Variants in XPO5 observed in about 807,000 individuals in gnomAD.
XPO5 encodes the protein exportin 5.
A neutral mutation model predicts 160.6 loss-of-function variants in XPO5; 46 were observed. The ratio of observed to expected loss-of-function variants is 0.29; its 90% CI spans 0.23 to 0.37. The LOEUF (loss-of-function observed/expected upper bound fraction) is 0.37. Among genes scored for constraint, XPO5 ranks in the 10% least tolerant of loss-of-function variants. XPO5 has a pLI of 1.00. For synonymous variants in XPO5, 537 were observed against 519.3 expected (o/e 1.03, Z -0.46); for missense variants, 1,090 against 1,463.9 (o/e 0.74, Z 4.17).
At position 43,557,186 on chromosome 6, in the gene XPO5, G is replaced by T. The variant is rs185101723; in HGVS notation, c.1313-1222C>A. ...TTACGCCTGTAATCCTAGTACTTTG[G>T]GAAGCCGAGGCGGGTGGATCACGAG... On this transcript the variant is annotated intron_variant, in intron 12 of 31. Coordinates refer to ENST00000265351, the MANE Select transcript of XPO5 (RefSeq NM_020750.3). Among the ~76,000 whole-genome samples the T allele has an allele frequency of 3.3e-5, 5 of 149,438 alleles. No homozygotes were observed. In the Admixed American group the frequency reaches 3.4e-4, roughly 10 times the overall value.
At chr6:43,536,541 G>A (rs1219516284) in intron 20 of XPO5, among the ~76,000 whole-genome samples, 7 of 151,276 alleles carry the variant, frequency 4.6e-5, no homozygotes, top group Admixed American at 4.6e-4. Flanking sequence ...GGTGGATCAC[G>A]AGGTCAGGAG....
chr6:43,533,847 AAAG>A, intron 21 of XPO5, 57 bp downstream of exon 21: 1 of 1,313,966 alleles, frequency 7.6e-7, no homozygotes, highest in Non-Finnish European at 1.1e-6. Flanking sequence ...AACAACAAAA[AAAG>A]GGGACATCCA....
At chr6:43,524,665 T>G (rs1793435263) in intron 30 of XPO5, 30 bp from the exon 31 acceptor site, 1 of 1,607,430 alleles carries the variant, frequency 6.2e-7, no homozygotes, top group African/African-American at 1.3e-5. Context: ...ACTTACTGGA[T>G]GTAGGTTTGG....
rs1030307705 is a variant in XPO5 at position 43,539,672 on chromosome 6, G to C, written c.2343-5665C>G. 7.8e-6 allele frequency: 8 copies of C among 1,030,784 alleles called. No homozygotes were observed. In the African/African-American group the frequency reaches 1.1e-4, roughly 14 times the overall value. The allele number at this position is 1,030,784 out of a possible 1,614,324, so 63.9% of individuals were successfully genotyped here. A position where few individuals can be genotyped will look rare whatever the true frequency, so the allele number is the denominator to read the frequency against. ...CATCCCAGGGCCACCAGGGCCTCCAGGCCCCCCCACTGCACCGGCGTCATC... is the reference window on the plus strand; with the variant it reads ...CATCCCAGGGCCACCAGGGCCTCCACGCCCCCCCACTGCACCGGCGTCATC... On this transcript the variant is annotated intron_variant, in intron 20 of 31. Coordinates refer to ENST00000265351, the MANE Select transcript of XPO5 (RefSeq NM_020750.3).
chr6:43,540,049 G>C (rs1372640842), intron 20 of XPO5, among the ~76,000 whole-genome samples: 3 of 152,360 alleles, frequency 2.0e-5, no homozygotes, highest in African/African-American at 7.2e-5. Context: ...GAGATCAGGA[G>C]TTTGAGAACC....
At position 43,570,910 on chromosome 6, in the gene XPO5, G is replaced by A; in HGVS notation, c.385C>T (p.Pro129Ser). 6.2e-7 allele frequency: 1 copy of A among 1,613,664 alleles called. No homozygotes were observed. The highest frequency in any genetic ancestry group is 8.5e-7 in the Non-Finnish European group (1 of 1,179,800). The change falls in exon 4 of 32, where the codon CCA becomes TCA. Residue 129 changes from proline to serine, a missense_variant. This residue lies in a region of XPO5 where 170 missense variants were observed against 227.0 expected (regional missense o/e 0.75). Transcript: ENST00000265351. ...ATTAGCATGTCAGGCCAATGCTGTG[G>A]CCACTCTCGCTTGATCATTTCCACT... ...IVVEMIKREW[P>S]QHWPDMLIEL...
chr6:43,524,577 T>C lies in XPO5; in HGVS notation c.3371A>G (p.Asp1124Gly). Residue 1124 changes from aspartate (D) to glycine (G), a missense_variant, in exon 31 of 32, where the codon GAC becomes GGC. By Grantham distance (94) the Asp-to-Gly change is moderately conservative (BLOSUM62 -1). Around this residue, in one of 3 missense-constraint regions of XPO5, gnomAD observed 810 missense variants for 1,139.0 expected, o/e 0.71. Transcript: ENST00000265351. The stretch of plus-strand genomic sequence containing the variant: ...CTTGCAGTCAAACTGGTCCAGTGAG[T>C]CCTTCTGTATTTCAGGGATTTGCTC... The part of the protein sequence containing the change: ...VMEQIPEIQK[D>G]SLDQFDCKLL... The C allele has an allele frequency of 1.2e-6, 2 of 1,613,920 alleles. No homozygotes were observed. Among genetic ancestry groups the C allele is most frequent in the Non-Finnish European group, 1.7e-6 (2 of 1,179,872 alleles).
intron 8 of XPO5, among the ~76,000 whole-genome samples, chr6:43,564,026 G>A (rs1302538804): frequency 2.0e-5 from 3 of 152,012 alleles, no homozygotes; most frequent in Non-Finnish European, 4.4e-5. Flanking sequence ...AGGTTCAAGC[G>A]ATCTCCTGCC....
chr6:43,571,066 T>C (rs1038225745), intron 3 of XPO5, 72 bp from the exon 4 acceptor site: 5 of 1,501,126 alleles, frequency 3.3e-6, no homozygotes, highest in East Asian at 2.3e-5. Flanking sequence ...AGCTGGGCTG[T>C]AGAGTTGTAA....
chr6:43,524,399 C>T, intron 31 of XPO5, 72 bp downstream of exon 31: 1 of 1,515,902 alleles, frequency 6.6e-7, no homozygotes, highest in South Asian at 1.3e-5. Flanking sequence ...ATAACTACAG[C>T]TGGTTTATGG....
intron 1 of XPO5, among the ~76,000 whole-genome samples, chr6:43,574,472 CTATTTTATGTGTATATATTATATATA>C: frequency 6.6e-6 from 1 of 150,604 alleles, no homozygotes; most frequent in East Asian, 1.9e-4. Flanking sequence ...GGTGTTCACT[CTATTTTATGTGTATATATTATATATA>C]TATTATGAAT....
rs1233276571 is a variant in XPO5 at position 43,559,419 on chromosome 6, G to A, written c.1221+759C>T. 2.0e-5 allele frequency among the ~76,000 whole-genome samples: 3 copies of A among 152,202 alleles called. No homozygotes were observed. In the East Asian group the frequency reaches 5.8e-4, roughly 29 times the overall value. ...AATTGAGATTAACAATCTGTCAACT[G>A]CAAGAGCTCTTAGCAGGGAATTCAT... On this transcript the variant is annotated intron_variant, in intron 11 of 31. Transcript: ENST00000265351.
At chr6:43,549,623 T>C in intron 16 of XPO5, 45 bp from the exon 17 acceptor site, 1 of 1,593,460 alleles carries the variant, frequency 6.3e-7, no homozygotes, top group South Asian at 1.1e-5. Flanking sequence ...TTTAATATAA[T>C]ATACAGGTGC....
intron 20 of XPO5, among the ~76,000 whole-genome samples, chr6:43,545,784 TA>T (rs1268778435): frequency 6.6e-6 from 1 of 151,914 alleles, no homozygotes; most frequent in Non-Finnish European, 1.5e-5. Flanking sequence ...CTGAATTATA[TA>T]AAAAAACCTA....
At chr6:43,573,782 T>C (rs565323310) in intron 1 of XPO5, among the ~76,000 whole-genome samples, 181 bp from the exon 2 acceptor site, 1 of 148,810 alleles carries the variant, frequency 6.7e-6, no homozygotes, top group African/African-American at 2.5e-5. Flanking sequence ...CTAGGCAACA[T>C]GGCGAAACCC....
At chr6:43,570,436 C>T in intron 5 of XPO5, 66 bp downstream of exon 5, 4 of 1,471,336 alleles carry the variant, frequency 2.7e-6, no homozygotes, top group Non-Finnish European at 3.7e-6. Context: ...TAGTTCCTTA[C>T]TGTAAGATTA....
At chr6:43,571,273 T>C (rs1387698887) in intron 3 of XPO5, among the ~76,000 whole-genome samples, 1 of 152,160 alleles carries the variant, frequency 6.6e-6, no homozygotes, top group African/African-American at 2.4e-5. Context: ...ATTCTCATAT[T>C]GATTGTTTCA....
chr6:43,551,270 A>G, intron 15 of XPO5, 28 bp downstream of exon 15: 1 of 1,535,304 alleles, frequency 6.5e-7, no homozygotes, highest in Non-Finnish European at 8.7e-7. Flanking sequence ...TGTCAAAATA[A>G]AATTTACAAA....
At chr6:43,525,635 T>C (rs1793537027) in intron 28 of XPO5, 6 of 585,704 alleles carry the variant, frequency 1.0e-5, no homozygotes, top group Non-Finnish European at 1.5e-5. Context: ...TGTGTTTTCC[T>C]GAGAGCTCCT....
Sources: allele counts gnomAD v4.1 joint callset (sites outside exome capture counted in the v4.1 genomes callset), GRCh38; gene constraint gnomAD v4.1.1; regional missense constraint gnomAD v4.1.1; transcripts MANE v1.5; gene names NCBI Gene and HGNC (gene_info 2026-07-23, HGNC 2026-07-21).